The following IQGAP2 variants were observed in gnomAD, a reference collection of about 807,000 sequenced individuals.
The protein encoded by IQGAP2 is IQ motif containing GTPase activating protein 2.
A neutral mutation model predicts 201.3 loss-of-function variants in IQGAP2; 173 were observed. The ratio of observed to expected loss-of-function variants is 0.86; its 90% CI spans 0.76 to 0.98. The LOEUF (loss-of-function observed/expected upper bound fraction) is 0.98. IQGAP2 is among the 50% of genes least tolerant of loss of function. The pLI is 0.00. For missense variants in IQGAP2, 1,687 were observed against 1,864.8 expected (o/e 0.90, Z 1.76); for synonymous variants, 675 against 673.9 (o/e 1.00, Z -0.03).
At chr5:76,565,774 T>G (rs1048470051) in intron 3 of IQGAP2, among the ~76,000 whole-genome samples, 1 of 152,178 alleles carries the variant, frequency 6.6e-6, no homozygotes, top group African/African-American at 2.4e-5. Context: ...CTGTGCTTTA[T>G]TTGGTACATA....
Position 76,611,111 on chromosome 5 carries a change from T to G in IQGAP2, c.1449T>G (p.Ile483Met). Reference sequence around the variant, plus strand: ...CTTTGCTCCTACCTACTGCGAATATTAGTGATGTGGACCCAGCCCATGCCC... The same window carrying G: ...CTTTGCTCCTACCTACTGCGAATATGAGTGATGTGGACCCAGCCCATGCCC... ...LETLLLPTAN[I>M]SDVDPAHAQH... Residue 483 changes from isoleucine to methionine, a missense_variant, in exon 13 of 36, where the codon ATT becomes ATG. Ile to Met is a conservative substitution (Grantham distance 10). Coordinates refer to ENST00000274364, the MANE Select transcript of IQGAP2 (RefSeq NM_006633.5). 6.2e-7 allele frequency: 1 copy of G among 1,613,962 alleles called. No individual in the cohort carries two copies.
Position 76,665,015 on chromosome 5 carries a change from A to AT in IQGAP2, c.2530-5dup. 6.8e-7 allele frequency: 1 copy of AT among 1,477,474 alleles called. No homozygotes were observed. Among genetic ancestry groups the AT allele is most frequent in the Non-Finnish European group, 9.4e-7 (1 of 1,061,682 alleles). 91.5% of individuals were successfully genotyped at this position (1,477,474 alleles called of 1,614,324 possible). A position where few individuals can be genotyped will look rare whatever the true frequency, so the allele number is the denominator to read the frequency against. ...AATTAAAAAGGAGTAATCTCATCAA[A>AT]TTTTTTACAGGATGTAATTTCACAT... On this transcript the variant is annotated splice_polypyrimidine_tract_variant and intron_variant, in intron 21 of 35. Transcript: ENST00000274364.
At chr5:76,496,293 C>T (rs917355215) in intron 2 of IQGAP2, among the ~76,000 whole-genome samples, 1 of 152,196 alleles carries the variant, frequency 6.6e-6, no homozygotes, top group Non-Finnish European at 1.5e-5. Flanking sequence ...AAAGTGTTGA[C>T]TGGGACTGGG....
chr5:76,610,068 CTCTCTCTCTATATATATATATATATA>C (rs1249924192), intron 12 of IQGAP2, among the ~76,000 whole-genome samples: 3 of 4,808 alleles, frequency 6.2e-4, no homozygotes, highest in African/African-American at 1.8e-3. Context: ...CTCTCTCTCT[CTCTCTCTCTATATATATATATATATA>C]TATATATATA....
chr5:76,588,629 C>T (rs1311782493), intron 5 of IQGAP2, among the ~76,000 whole-genome samples: 1 of 152,068 alleles, frequency 6.6e-6, no homozygotes. Context: ...TCTTGTTCTC[C>T]ATACAAATGG....
chr5:76,501,006 C>T (rs952179471), intron 2 of IQGAP2, among the ~76,000 whole-genome samples: 5 of 152,104 alleles, frequency 3.3e-5, no homozygotes, highest in African/African-American at 1.2e-4. Context: ...CTACCATGGA[C>T]AGGCTGACTT....
At chr5:76,427,059 T>C (rs554357366) in intron 1 of IQGAP2, among the ~76,000 whole-genome samples, 6 of 152,258 alleles carry the variant, frequency 3.9e-5, no homozygotes, top group African/African-American at 9.6e-5. Context: ...TCAGGGTTTC[T>C]CAGCCTCAGC....
intron 1 of IQGAP2, among the ~76,000 whole-genome samples, chr5:76,451,471 C>T (rs10067617): frequency 3.3e-5 from 5 of 152,012 alleles, no homozygotes; most frequent in Non-Finnish European, 7.4e-5. Flanking sequence ...GTCACACCCA[C>T]GCTATCTCTT....
intron 2 of IQGAP2, among the ~76,000 whole-genome samples, chr5:76,511,225 G>C (rs1174950033): frequency 6.6e-6 from 1 of 152,144 alleles, no homozygotes; most frequent in African/African-American, 2.4e-5. Flanking sequence ...GTGGCTAATG[G>C]TATTGGTTCA....
chr5:76,677,066 G>A, intron 27 of IQGAP2, 152 bp from the exon 28 acceptor site: 1 of 677,148 alleles, frequency 1.5e-6, no homozygotes, highest in Non-Finnish European at 2.4e-6. Context: ...CCGACAGCCA[G>A]GAGCCAGCCT....
chr5:76,668,165 G>A (rs887412158), intron 22 of IQGAP2, among the ~76,000 whole-genome samples: 2 of 152,042 alleles, frequency 1.3e-5, no homozygotes, highest in Non-Finnish European at 2.9e-5. Flanking sequence ...TTATAAGTGT[G>A]AGCCACCATG....
intron 23 of IQGAP2, among the ~76,000 whole-genome samples, chr5:76,671,354 A>G (rs1744301282): frequency 6.6e-6 from 1 of 152,168 alleles, no homozygotes; most frequent in South Asian, 2.1e-4. Flanking sequence ...TAATTCCATG[A>G]AGTCCTTGCC....
At chr5:76,570,091 T>C (rs1453098248) in intron 3 of IQGAP2, among the ~76,000 whole-genome samples, 1 of 152,226 alleles carries the variant, frequency 6.6e-6, no homozygotes, top group Non-Finnish European at 1.5e-5. Context: ...GTTTTCATCT[T>C]TGTATTTTGC....
Position 76,702,536 on chromosome 5 carries a change from T to C in IQGAP2, c.4560T>C (p.Asp1520=). Residue 1520 remains aspartate, a synonymous_variant, in exon 35 of 36, where the codon GAT becomes GAC. Transcript: ENST00000274364. ...CTACTGAAGATGTAGGCATTTTCGA[T>C]GTAAGATCAAAATTCCTTGGTGTTG... is the stretch of plus-strand genomic sequence containing the variant. The part of the protein sequence containing the change: ...IIATEDVGIF[D]VRSKFLGVEM... 2.5e-6 allele frequency: 4 copies of C among 1,602,794 alleles called. No homozygotes were observed. The highest frequency in any genetic ancestry group is 3.4e-6 in the Non-Finnish European group (4 of 1,169,684).
At chr5:76,594,404 T>C (rs1746868544) in intron 9 of IQGAP2, among the ~76,000 whole-genome samples, 1 of 152,224 alleles carries the variant, frequency 6.6e-6, no homozygotes, top group African/African-American at 2.4e-5. Flanking sequence ...AGTGCCATAA[T>C]TTCCTGACCG....
At chr5:76,618,183 C>A (rs748908547) in intron 13 of IQGAP2, 20 of 1,614,130 alleles carry the variant, frequency 1.2e-5, no homozygotes, top group Non-Finnish European at 1.6e-5. Context: ...GTACATGTTG[C>A]CATAGAAGAT....
intron 30 of IQGAP2, among the ~76,000 whole-genome samples, chr5:76,689,877 G>A (rs1426065780): frequency 6.6e-6 from 1 of 152,168 alleles, no homozygotes; most frequent in Admixed American, 6.5e-5. Context: ...CTTCAGGAAT[G>A]CTACTGGTAA....
chr5:76,701,132 G>T lies in IQGAP2; in HGVS notation c.4424G>T (p.Arg1475Ile), dbSNP rs1179663369. 1 of 1,614,074 alleles carries T rather than the reference G, an allele frequency of 6.2e-7. No individual in the cohort carries two copies. Among genetic ancestry groups the T allele is most frequent in the Non-Finnish European group, 8.5e-7 (1 of 1,179,992 alleles). Reference protein sequence around the residue: ...DGKGEPKGAKRAKPVKYTAAK... With the variant: ...DGKGEPKGAKIAKPVKYTAAK... ...AAAGGAGAACCCAAAGGGGCGAAGAGAGCGAAGCCAGTGAAGTACACTGCA... is the reference window on the plus strand; with the variant it reads ...AAAGGAGAACCCAAAGGGGCGAAGATAGCGAAGCCAGTGAAGTACACTGCA... The change falls in exon 34 of 36, where the codon AGA becomes ATA. Residue 1475 changes from arginine to isoleucine, a missense_variant. Coordinates refer to ENST00000274364, the MANE Select transcript of IQGAP2 (RefSeq NM_006633.5).
chr5:76,666,943 TC>T (rs1395922977), intron 22 of IQGAP2, among the ~76,000 whole-genome samples: 7 of 152,120 alleles, frequency 4.6e-5, no homozygotes, highest in African/African-American at 1.7e-4. Flanking sequence ...ACAGGGTTTT[TC>T]CATGTTGCCC....
Sources: gnomAD v4.1 joint callset for allele counts (sites outside exome capture counted in the v4.1 genomes callset) on GRCh38, gnomAD v4.1.1 for gene constraint, MANE v1.5 for transcripts, NCBI Gene and HGNC (gene_info 2026-07-23, HGNC 2026-07-21) for gene names.